ZFHX3: variants seen among roughly 807,000 people sequenced by gnomAD.
ZFHX3 encodes the protein zinc finger homeobox protein 3.
ZFHX3 carries 42 observed loss-of-function variants against 279.1 expected under a neutral mutation model. The observed-to-expected ratio is 0.15, with a 90% CI of 0.12 to 0.19. The LOEUF (loss-of-function observed/expected upper bound fraction) is 0.19. ZFHX3 is among the 10% of genes least tolerant of loss of function. The pLI, the probability that ZFHX3 is intolerant of heterozygous loss-of-function variation, is 1.00. For missense variants in ZFHX3, 4,981 were observed against 4,754.0 expected (o/e 1.05, Z -1.40); for synonymous variants, 2,293 against 1,957.8 (o/e 1.17, Z -4.52).
intron 4 of ZFHX3, among the ~76,000 whole-genome samples, chr16:73,317,621 T>C (rs1302289106): frequency 6.6e-6 from 1 of 152,180 alleles, no homozygotes; most frequent in East Asian, 1.9e-4. Flanking sequence ...CTGCTGGGGT[T>C]ATGGAGAGGT....
intron 4 of ZFHX3, among the ~76,000 whole-genome samples, chr16:72,835,380 GT>G (rs1567539897): frequency 6.6e-6 from 1 of 151,938 alleles, no homozygotes; most frequent in African/African-American, 2.4e-5. Context: ...CCAGAAAAAT[GT>G]ATTGATTTTT....
intron 3 of ZFHX3, among the ~76,000 whole-genome samples, chr16:73,372,072 A>G (rs772796031): frequency 6.6e-6 from 1 of 152,224 alleles, no homozygotes; most frequent in Non-Finnish European, 1.5e-5. Flanking sequence ...ATAAAAGTCT[A>G]TGTACACAAT....
At position 72,795,415 on chromosome 16, in the gene ZFHX3, T is replaced by C. The variant is rs2035870981; in HGVS notation, c.7267A>G (p.Thr2423Ala). 6.2e-7 allele frequency: 1 copy of C among 1,614,016 alleles called. No individual in the cohort carries two copies. Among genetic ancestry groups the C allele is most frequent in the Admixed American group, 1.7e-5 (1 of 59,998 alleles). The change falls in exon 9 of 10, where the codon ACA becomes GCA. Residue 2423 changes from threonine to alanine, a missense_variant. By Grantham distance (58) the Thr-to-Ala change is moderately conservative. Around this residue, in one of 7 missense-constraint regions of ZFHX3, gnomAD observed 744 missense variants for 701.3 expected, o/e 1.06. Coordinates refer to ENST00000268489, the MANE Select transcript of ZFHX3 (RefSeq NM_006885.4). ...AEELATFNSKTEAGDEKPKLA... is the reference protein window; with the variant it reads ...AEELATFNSKAEAGDEKPKLA... ...TTTGGTTTCTCATCGCCTGCCTCTG[T>C]TTTTGAATTGAAGGTGGCCAGTTCC...
At position 72,796,366 on chromosome 16, in the gene ZFHX3, G is replaced by A; in HGVS notation, c.6316C>T (p.Pro2106Ser). Residue 2106 changes from proline (P) to serine (S), a missense_variant, in exon 9 of 10, where the codon CCG (proline) becomes TCG (serine). Physicochemically the swap from Pro to Ser is moderately conservative, Grantham distance 74. Coordinates refer to ENST00000268489, the MANE Select transcript of ZFHX3 (RefSeq NM_006885.4). ...IFSPLMMQTM[P>S]LQTLPAQLPP... ...AGCTGAGCCGGCAAGGTCTGCAGCG[G>A]CATCGTCTGCATCATCAGCGGCGAG... 6.2e-7 allele frequency: 1 copy of A among 1,613,772 alleles called. No homozygotes were observed. The highest frequency in any genetic ancestry group is 8.5e-7 in the Non-Finnish European group (1 of 1,179,992).
In ZFHX3 at chr16:73,167,473, A is replaced by G. The variant is rs1320008872; in HGVS notation, c.-1103-23642T>C. ...TTGCTTTGCTGAATGTTTATGAGTA[A>G]CCCAAGACTAGTGAAATGTGCTGAT... On this transcript the variant is annotated intron_variant, in intron 5 of 17. Coordinates refer to the ZFHX3 transcript ENST00000641206. Among the ~76,000 whole-genome samples, 5 of 152,312 alleles carry G rather than the reference A, an allele frequency of 3.3e-5. No individual in the cohort carries two copies. In the East Asian group the frequency reaches 9.6e-4, roughly 29 times the overall value.
At chr16:73,158,518 G>A (rs986367913) in intron 5 of ZFHX3, among the ~76,000 whole-genome samples, 2 of 148,486 alleles carry the variant, frequency 1.3e-5, no homozygotes, top group East Asian at 2.0e-4. Context: ...ACTTGTAAAC[G>A]TTTTTCACAA....
chr16:73,028,955 C>T (rs1260164585), intron 1 of ZFHX3, among the ~76,000 whole-genome samples: 1 of 152,230 alleles, frequency 6.6e-6, no homozygotes, highest in African/African-American at 2.4e-5. Context: ...ACACCTCCTA[C>T]AATACAATGC....
chr16:73,131,334 G>A lies in ZFHX3; in HGVS notation c.-1023-240C>T, dbSNP rs373084185. ...CAATTCATGGTCCAGAGTGCTTTAT[G>A]TACATGACTCATACAATCTTTCATT... On this transcript the variant is annotated intron_variant, in intron 6 of 17. Transcript: ENST00000641206. 3.3e-4 allele frequency among the ~76,000 whole-genome samples: 51 copies of A among 152,282 alleles called. No individual in the cohort carries two copies. The East Asian group carries it at 3.5e-3, about 10-fold the overall frequency.
intron 2 of ZFHX3, among the ~76,000 whole-genome samples, chr16:73,626,433 T>G (rs2052417496): frequency 6.6e-6 from 1 of 152,090 alleles, no homozygotes; most frequent in Non-Finnish European, 1.5e-5. Flanking sequence ...TACCCATATT[T>G]CCTCATCGAT....
At chr16:73,311,742 T>G (rs1312858838) in intron 4 of ZFHX3, among the ~76,000 whole-genome samples, 1 of 152,196 alleles carries the variant, frequency 6.6e-6, no homozygotes, top group Admixed American at 6.5e-5. Context: ...AATATAATTT[T>G]TTTCCAAAAC....
chr16:73,854,859 G>A (rs1961683390), intron 1 of ZFHX3, among the ~76,000 whole-genome samples: 1 of 151,378 alleles, frequency 6.6e-6, no homozygotes, highest in African/African-American at 2.4e-5. Context: ...TTTCAACTAG[G>A]TTGAGCACCG....
chr16:73,548,546 A>G (rs1357636798), intron 2 of ZFHX3, among the ~76,000 whole-genome samples: 1 of 152,010 alleles, frequency 6.6e-6, no homozygotes, highest in Non-Finnish European at 1.5e-5. Flanking sequence ...TCTGTTATTA[A>G]TGCTCGTATA....
intron 1 of ZFHX3, among the ~76,000 whole-genome samples, chr16:73,741,732 T>C (rs900727864): frequency 6.6e-6 from 1 of 152,178 alleles, no homozygotes; most frequent in Non-Finnish European, 1.5e-5. Context: ...TTTTTATTCT[T>C]AAGAAAGTTT....
chr16:73,729,281 C>T (rs915816498), intron 1 of ZFHX3, among the ~76,000 whole-genome samples: 1 of 152,234 alleles, frequency 6.6e-6, no homozygotes, highest in African/African-American at 2.4e-5. Flanking sequence ...AATCCCAACA[C>T]TTCTGGAGGC....
At chr16:73,057,548 A>AAG (rs984861809) in intron 1 of ZFHX3, among the ~76,000 whole-genome samples, 7 of 149,602 alleles carry the variant, frequency 4.7e-5, no homozygotes, top group African/African-American at 7.4e-5. Context: ...AAAAAAAAAA[A>AAG]AAGAAGAAGA....
chr16:73,177,861 A>G (rs74028077), intron 5 of ZFHX3, among the ~76,000 whole-genome samples: 1,995 of 152,332 alleles, frequency 0.013, 46 homozygotes, highest in African/African-American at 0.045. Flanking sequence ...TAAATAAAGC[A>G]TTGAGCAAGG....
chr16:73,579,315 G>A (rs577418132), intron 2 of ZFHX3, among the ~76,000 whole-genome samples: 2 of 152,134 alleles, frequency 1.3e-5, no homozygotes, highest in South Asian at 4.2e-4. Flanking sequence ...AAACCCAGAC[G>A]GTACTCTGAC....
intron 1 of ZFHX3, among the ~76,000 whole-genome samples, chr16:73,793,607 T>A (rs1280587981): frequency 2.0e-5 from 3 of 152,222 alleles, no homozygotes; most frequent in Non-Finnish European, 4.4e-5. Flanking sequence ...TTTGACTGTG[T>A]GATTCTCCTC....
At chr16:73,452,533 G>A (rs1199134013) in intron 3 of ZFHX3, among the ~76,000 whole-genome samples, 1 of 152,170 alleles carries the variant, frequency 6.6e-6, no homozygotes, top group East Asian at 1.9e-4. Flanking sequence ...ATTGTCTTGT[G>A]AAGAGGTAAT....
Sources: allele counts gnomAD v4.1 joint callset (sites outside exome capture counted in the v4.1 genomes callset), GRCh38; gene constraint gnomAD v4.1.1; regional missense constraint gnomAD v4.1.1; transcripts MANE v1.5; gene names NCBI Gene and HGNC (gene_info 2026-07-23, HGNC 2026-07-21).